MLLT1: variants seen among roughly 807,000 people sequenced by gnomAD.
MLLT1 encodes the protein protein ENL.
MLLT1 carries 11 observed loss-of-function variants against 55.1 expected under a neutral mutation model. That is an observed-to-expected ratio of 0.20 (90% CI 0.13 to 0.33). The LOEUF is 0.33. Among genes scored for constraint, MLLT1 ranks in the 10% least tolerant of loss-of-function variants. The probability of loss-of-function intolerance (pLI) is 1.00; values close to 1 mark genes in which losing one functional copy is unlikely to be tolerated. For synonymous variants in MLLT1, 323 were observed against 320.1 expected, an observed-to-expected ratio of 1.01 and a Z score of -0.10; for missense variants, 536 against 760.6, an observed-to-expected ratio of 0.70 and a Z score of 3.47.
At chr19:6,276,622 G>A (rs538935275) in intron 1 of MLLT1, among the ~76,000 whole-genome samples, 37 of 151,962 alleles carry the variant, frequency 2.4e-4, no homozygotes, top group South Asian at 1.2e-3. Flanking sequence ...ATCTCTTTTC[G>A]GCATCTGCTC....
At chr19:6,276,296 TG>T (rs2091427818) in intron 1 of MLLT1, among the ~76,000 whole-genome samples, 1 of 152,118 alleles carries the variant, frequency 6.6e-6, no homozygotes, top group Non-Finnish European at 1.5e-5. Context: ...CGGGCAGGTT[TG>T]GGGAGCAGCC....
At chr19:6,269,936 A>G (rs2091381593) in intron 2 of MLLT1, among the ~76,000 whole-genome samples, 1 of 151,958 alleles carries the variant, frequency 6.6e-6, no homozygotes, top group Non-Finnish European at 1.5e-5. Flanking sequence ...TCACCAGACC[A>G]CCACCTCACT....
chr19:6,244,243 C>T (rs929043695), intron 3 of MLLT1, among the ~76,000 whole-genome samples: 2 of 151,736 alleles, frequency 1.3e-5, no homozygotes, highest in Non-Finnish European at 2.9e-5. Context: ...GAGAGGGGAA[C>T]GTGTTCACTT....
chr19:6,242,053 C>G (rs2091118814), intron 3 of MLLT1, among the ~76,000 whole-genome samples: 1 of 152,234 alleles, frequency 6.6e-6, no homozygotes, highest in Non-Finnish European at 1.5e-5. Context: ...CGCTTCTGCG[C>G]CAGCAGGTCA....
At chr19:6,216,870 G>A in intron 7 of MLLT1, 1 of 229,624 alleles carries the variant, frequency 4.4e-6, no homozygotes, top group Non-Finnish European at 8.6e-6. Context: ...AGAGCCCAGG[G>A]AGGGCGAGGG....
At chr19:6,253,901 G>A (rs2091238456) in intron 3 of MLLT1, among the ~76,000 whole-genome samples, 1 of 152,210 alleles carries the variant, frequency 6.6e-6, no homozygotes, top group Non-Finnish European at 1.5e-5. Context: ...AACACTTTCT[G>A]AGAGATGGTG....
chr19:6,242,235 T>C (rs1214567537), intron 3 of MLLT1, among the ~76,000 whole-genome samples: 1 of 152,062 alleles, frequency 6.6e-6, no homozygotes, highest in African/African-American at 2.4e-5. Flanking sequence ...CTACAGAGGG[T>C]GGCGGCTATG....
intron 1 of MLLT1, among the ~76,000 whole-genome samples, chr19:6,276,536 C>T (rs2091429146): frequency 6.6e-6 from 1 of 152,090 alleles, no homozygotes; most frequent in South Asian, 2.1e-4. Flanking sequence ...AGAACGTGAC[C>T]GCCCAGATGC....
rs541266998 is a variant in MLLT1, at chr19:6,225,620, G to A, written c.546+1357C>T. Among the ~76,000 whole-genome samples the A allele has an allele frequency of 8.6e-4, 131 of 152,250 alleles. 1 individual carries two copies. The highest frequency in any genetic ancestry group is 1.5e-3 in the Non-Finnish European group (105 of 68,008). On this transcript the variant is annotated intron_variant, in intron 5 of 11. Transcript: ENST00000252674. ...AGATGCCGCCTACATCTCTCCACCCGGTAGCTGGAGAAGCCTCCAGGGACG... is the reference window on the plus strand; with the variant it reads ...AGATGCCGCCTACATCTCTCCACCCAGTAGCTGGAGAAGCCTCCAGGGACG...
intron 1 of MLLT1, among the ~76,000 whole-genome samples, 161 bp downstream of exon 1, chr19:6,279,612 G>A (rs1259782134): frequency 1.3e-5 from 2 of 151,436 alleles, no homozygotes; most frequent in Non-Finnish European, 3.0e-5. Flanking sequence ...GGATGGGGGA[G>A]GGGCGCCCCC....
At chr19:6,217,162 G>A (rs933999309) in intron 7 of MLLT1, among the ~76,000 whole-genome samples, 4 of 152,078 alleles carry the variant, frequency 2.6e-5, no homozygotes, top group Non-Finnish European at 5.9e-5. Flanking sequence ...CACTTGGAGC[G>A]AGTGTAGGCT....
intron 3 of MLLT1, among the ~76,000 whole-genome samples, chr19:6,249,339 G>A (rs2091195570): frequency 6.6e-6 from 1 of 152,142 alleles, no homozygotes; most frequent in Non-Finnish European, 1.5e-5. Context: ...CGGGGTCTGA[G>A]ATGTTACTCA....
rs1055679289 is a variant in MLLT1, at chr19:6,212,599, G to A, written c.*443C>T. The A allele has an allele frequency of 2.7e-6, 3 of 1,091,930 alleles. No homozygotes were observed. The highest frequency in any genetic ancestry group is 1.6e-5 in the African/African-American group (1 of 61,272). 67.6% of individuals were successfully genotyped at this position (1,091,930 alleles called of 1,614,324 possible). On this transcript the variant is annotated 3_prime_UTR_variant, in exon 12 of 12. Transcript: ENST00000252674. ...CAGACACACAGGCAGGGCCTTCTGA[G>A]GTCCAGGGTGGGCGGAGGGTGTGTT... is the stretch of plus-strand genomic sequence containing the variant.
At chr19:6,263,818 T>C (rs2091324732) in intron 2 of MLLT1, among the ~76,000 whole-genome samples, 1 of 152,096 alleles carries the variant, frequency 6.6e-6, no homozygotes, top group Non-Finnish European at 1.5e-5. Flanking sequence ...GCTCAGAGTC[T>C]GCCATGGGGG....
chr19:6,250,118 A>G (rs185737801), intron 3 of MLLT1, among the ~76,000 whole-genome samples: 1 of 152,374 alleles, frequency 6.6e-6, no homozygotes, highest in Non-Finnish European at 1.5e-5. Context: ...ACGTATCTTC[A>G]AAACAGGATA....
chr19:6,271,300 A>G (rs1468739605), intron 1 of MLLT1, among the ~76,000 whole-genome samples: 1 of 152,236 alleles, frequency 6.6e-6, no homozygotes, highest in Non-Finnish European at 1.5e-5. Context: ...TGTTGACTCC[A>G]GCATTTTCAT....
In MLLT1 at chr19:6,270,788, G is replaced by C; in HGVS notation, c.13-29C>G. On this transcript the variant is annotated intron_variant, in intron 1 of 11. Transcript: ENST00000252674. This position sits in a 1 kb window ranked among gnomAD's most constrained non-coding sequence, Gnocchi z 7.1. Reference sequence around the variant, plus strand: ...GAGGAGAGAGAGGTGGGGAGATGAAGTCAGCACACGCCTCCAAGCAGGGGA... The same window carrying C: ...GAGGAGAGAGAGGTGGGGAGATGAACTCAGCACACGCCTCCAAGCAGGGGA... 6.3e-7 allele frequency: 1 copy of C among 1,574,880 alleles called. No homozygotes were observed. The highest frequency in any genetic ancestry group is 1.2e-5 in the South Asian group (1 of 86,378).
At chr19:6,249,264 T>C (rs920851421) in intron 3 of MLLT1, among the ~76,000 whole-genome samples, 7 of 152,186 alleles carry the variant, frequency 4.6e-5, no homozygotes, top group African/African-American at 1.7e-4. Flanking sequence ...ACCTGTTTCT[T>C]TTGAACTTTT....
intron 1 of MLLT1, among the ~76,000 whole-genome samples, 189 bp downstream of exon 1, chr19:6,279,584 C>A (rs1329263450): frequency 2.6e-5 from 4 of 151,342 alleles, no homozygotes; most frequent in Non-Finnish European, 3.0e-5. Flanking sequence ...GTGTCCGAGG[C>A]GCCCTGGCCG....
Sources: gnomAD v4.1 joint callset for allele counts (sites outside exome capture counted in the v4.1 genomes callset) on GRCh38, gnomAD v4.1.1 for gene constraint, Gnocchi (gnomAD v3.1) non-coding constraint, MANE v1.5 for transcripts, NCBI Gene and HGNC (gene_info 2026-07-23, HGNC 2026-07-21) for gene names.